The following ZNF532 variants were observed in gnomAD, a reference collection of about 807,000 sequenced individuals.
The protein encoded by ZNF532 is zinc finger protein 532.
Under a neutral mutation model 89.3 loss-of-function variants are expected in ZNF532, and 22 were observed. The observed-to-expected ratio is 0.25, with a 90% CI of 0.18 to 0.35. The LOEUF (loss-of-function observed/expected upper bound fraction) is 0.35, where lower values mean the gene tolerates loss of function less well. ZNF532 is among the 10% of genes least tolerant of loss of function. The pLI, the probability that ZNF532 is intolerant of heterozygous loss-of-function variation, is 1.00. For synonymous variants in ZNF532, 606 were observed against 649.6 expected, an observed-to-expected ratio of 0.93 and a Z score of 1.02; for missense variants, 1,132 against 1,643.4, an observed-to-expected ratio of 0.69 and a Z score of 5.38.
At chr18:58,957,777 G>A (rs1359163323) in intron 7 of ZNF532, among the ~76,000 whole-genome samples, 1 of 152,018 alleles carries the variant, frequency 6.6e-6, no homozygotes, top group Non-Finnish European at 1.5e-5. Context: ...TTAAGATTCA[G>A]AACTGGCCGG....
At chr18:58,885,235 C>T (rs768752307) in intron 2 of ZNF532, among the ~76,000 whole-genome samples, 3 of 152,090 alleles carry the variant, frequency 2.0e-5, no homozygotes, top group African/African-American at 4.8e-5. Context: ...GTGATCTGCC[C>T]GCTTCAGCCT....
intron 7 of ZNF532, among the ~76,000 whole-genome samples, chr18:58,969,873 CTTTTTTTTTTTTTTTT>C (rs10617418): frequency 1.2e-5 from 1 of 84,712 alleles, no homozygotes; most frequent in Non-Finnish European, 2.1e-5. Context: ...ATATTTGTCC[CTTTTTTTTTTTTTTTT>C]TTTTTTTTGC....
intron 3 of ZNF532, among the ~76,000 whole-genome samples, chr18:58,928,189 G>A (rs2061678491): frequency 6.6e-6 from 1 of 152,166 alleles, no homozygotes; most frequent in Non-Finnish European, 1.5e-5. Flanking sequence ...CTGCCTGTGA[G>A]CACCAGCTGG....
At chr18:58,885,537 G>A (rs535126161) in intron 2 of ZNF532, among the ~76,000 whole-genome samples, 1 of 152,136 alleles carries the variant, frequency 6.6e-6, no homozygotes, top group African/African-American at 2.4e-5. Context: ...GATGAATTTT[G>A]AAAAAATTCT....
Position 58,939,741 on chromosome 18 carries a change from A to G in ZNF532, c.2705+120A>G, listed in dbSNP as rs548080350. The G allele has an allele frequency of 3.4e-5, 30 of 888,736 alleles. No homozygotes were observed. In the East Asian group the frequency reaches 6.0e-4, roughly 18 times the overall value. The allele number at this position is 888,736 out of a possible 1,614,324, so 55.1% of individuals were successfully genotyped here. A position where few individuals can be genotyped will look rare whatever the true frequency, so the allele number is the denominator to read the frequency against. On this transcript the variant is annotated intron_variant, in intron 5 of 9. Transcript: ENST00000591808. ...TCTGAAAAATTATGCAGCTATGCCA[A>G]TTTTGATGCTTTATGAAATACAGCT...
chr18:58,907,989 G>C (rs1231271964), intron 2 of ZNF532, among the ~76,000 whole-genome samples: 1 of 152,202 alleles, frequency 6.6e-6, no homozygotes, highest in Non-Finnish European at 1.5e-5. Context: ...CTCCTGCCTG[G>C]TTGTAGGTCT....
At chr18:58,941,990 C>CCCTCCTT (rs1555739645) in intron 5 of ZNF532, among the ~76,000 whole-genome samples, 17 of 125,784 alleles carry the variant, frequency 1.4e-4, no homozygotes, top group South Asian at 3.3e-4. Context: ...TTCCCTCCTT[C>CCCTCCTT]CCTTCCTTCC....
intron 5 of ZNF532, among the ~76,000 whole-genome samples, chr18:58,943,818 T>G (rs1024637679): frequency 6.6e-6 from 1 of 152,242 alleles, no homozygotes; most frequent in African/African-American, 2.4e-5. Context: ...GACTGCTGAT[T>G]AACAGCAGTT....
At chr18:58,900,197 C>T (rs1602834968) in intron 2 of ZNF532, among the ~76,000 whole-genome samples, 1 of 152,188 alleles carries the variant, frequency 6.6e-6, no homozygotes, top group Admixed American at 6.5e-5. Flanking sequence ...TGTGATTCCT[C>T]GTGGAGCTGG....
intron 3 of ZNF532, among the ~76,000 whole-genome samples, chr18:58,930,816 C>T (rs1483551589): frequency 1.3e-5 from 2 of 151,940 alleles, no homozygotes; most frequent in African/African-American, 4.8e-5. Flanking sequence ...CTTATAATAC[C>T]TAATAGTGTA....
intron 7 of ZNF532, among the ~76,000 whole-genome samples, chr18:58,978,111 T>A (rs2147626729): frequency 6.6e-6 from 1 of 152,338 alleles, no homozygotes; most frequent in East Asian, 1.9e-4. Context: ...TCAGTTAACA[T>A]AATATCTCAG....
At chr18:58,947,128 GAGGAAATACAGATGCCCAT>G (rs1380434135) in intron 5 of ZNF532, among the ~76,000 whole-genome samples, 5 of 152,168 alleles carry the variant, frequency 3.3e-5, no homozygotes, top group Admixed American at 1.3e-4. Flanking sequence ...CAGTTCTCCA[GAGGAAATACAGATGCCCAT>G]AGGCCCTCTC....
At chr18:58,881,231 A>G (rs1032966631) in intron 2 of ZNF532, among the ~76,000 whole-genome samples, 1 of 151,590 alleles carries the variant, frequency 6.6e-6, no homozygotes, top group Non-Finnish European at 1.5e-5. Flanking sequence ...TCCTGGGTTC[A>G]AGTGATTCTC....
At chr18:58,898,625 G>A (rs778996449) in intron 2 of ZNF532, among the ~76,000 whole-genome samples, 3 of 152,112 alleles carry the variant, frequency 2.0e-5, no homozygotes, top group Admixed American at 2.0e-4. Flanking sequence ...CGCTAGACCC[G>A]CTGATCCCAG....
At chr18:58,960,095 C>A (rs750879653) in intron 7 of ZNF532, among the ~76,000 whole-genome samples, 2 of 152,196 alleles carry the variant, frequency 1.3e-5, no homozygotes, top group Non-Finnish European at 2.9e-5. Context: ...CGTGCCACCA[C>A]GCCCAGCTAA....
chr18:58,879,498 C>G (rs2057713850), intron 2 of ZNF532, among the ~76,000 whole-genome samples: 1 of 152,132 alleles, frequency 6.6e-6, no homozygotes, highest in Non-Finnish European at 1.5e-5. Context: ...CCCGGATTCT[C>G]TTGCCTCAGC....
chr18:58,901,210 G>C (rs1176089295), intron 2 of ZNF532, among the ~76,000 whole-genome samples: 4 of 152,156 alleles, frequency 2.6e-5, no homozygotes, highest in Admixed American at 2.0e-4. Flanking sequence ...GCTGGGCGTT[G>C]TGAAGCCCAC....
At chr18:58,922,168 C>G (rs2061152698) in intron 3 of ZNF532, among the ~76,000 whole-genome samples, 1 of 151,936 alleles carries the variant, frequency 6.6e-6, no homozygotes, top group African/African-American at 2.4e-5. Context: ...AGCTAATATA[C>G]TCTGCTCCTC....
chr18:58,943,703 C>T (rs904706399), intron 5 of ZNF532, among the ~76,000 whole-genome samples: 3 of 152,228 alleles, frequency 2.0e-5, no homozygotes, highest in East Asian at 1.9e-4. Flanking sequence ...CCTTGTGATC[C>T]GCCTGCCTCA....
Sources: allele counts gnomAD v4.1 joint callset (sites outside exome capture counted in the v4.1 genomes callset), GRCh38; gene constraint gnomAD v4.1.1; transcripts MANE v1.5; gene names NCBI Gene and HGNC (gene_info 2026-07-23, HGNC 2026-07-21).